Variants in SRPK1 observed in about 807,000 individuals in gnomAD.
The protein encoded by SRPK1 is SFRS protein kinase 1.
A neutral mutation model predicts 89.5 loss-of-function variants in SRPK1; 52 were observed. The observed-to-expected ratio is 0.58, with a 90% CI of 0.46 to 0.73. The LOEUF is 0.73. Among genes scored for constraint, SRPK1 ranks in the 30% least tolerant of loss-of-function variants. The pLI is 0.00. For synonymous variants in SRPK1, 255 were observed against 270.2 expected (o/e 0.94, Z 0.55); for missense variants, 603 against 780.6 (o/e 0.77, Z 2.71).
rs947545569 is a variant in SRPK1, at chr6:35,921,092, G to C, written c.-36C>G. The C allele has an allele frequency of 4.7e-6, 7 of 1,474,490 alleles. No individual in the cohort carries two copies. Among genetic ancestry groups the C allele is most frequent in the Admixed American group, 4.6e-5 (2 of 43,160 alleles). 91.3% of individuals were successfully genotyped at this position (1,474,490 alleles called of 1,614,324 possible). On this transcript the variant is annotated 5_prime_UTR_variant, in exon 1 of 16. Coordinates refer to ENST00000373825, the MANE Select transcript of SRPK1 (RefSeq NM_003137.5). ...GTAATCGCCAGGCGCCTGCGCACTC[G>C]AGTGGCGGCGACTCCCGCTCCCGCC...
At position 35,853,084 on chromosome 6, in the gene SRPK1, T is replaced by A. The variant is rs536310494; in HGVS notation, c.1620+4177A>T. On this transcript the variant is annotated intron_variant, in intron 13 of 15. Transcript: ENST00000373825. ...GCAAGACCTGGTCTCTACAAAAAAA[T>A]TTAAAAATGAGCCGAGTGGGTGGCA... Among the ~76,000 whole-genome samples the A allele has an allele frequency of 3.0e-4, 45 of 152,112 alleles. No homozygotes were observed. In the South Asian group the frequency reaches 9.1e-3, roughly 31 times the overall value.
intron 2 of SRPK1, chr6:35,904,904 CA>C: frequency 2.5e-6 from 1 of 404,622 alleles, no homozygotes. Flanking sequence ...TTTGGGAGGC[CA>C]AGGTGGTGAG....
chr6:35,887,090 C>A (rs1219262275), intron 5 of SRPK1, among the ~76,000 whole-genome samples: 1 of 152,180 alleles, frequency 6.6e-6, no homozygotes, highest in East Asian at 1.9e-4. Context: ...GATTACCAGG[C>A]TATGAGGAAC....
intron 2 of SRPK1, chr6:35,905,048 G>A: frequency 2.6e-6 from 1 of 383,238 alleles, no homozygotes; most frequent in Non-Finnish European, 5.1e-6. Flanking sequence ...TCCAGAGGCT[G>A]AGGCAGAGGG....
chr6:35,878,100 G>C (rs1176853049), intron 6 of SRPK1, among the ~76,000 whole-genome samples: 1 of 152,176 alleles, frequency 6.6e-6, no homozygotes, highest in Non-Finnish European at 1.5e-5. Context: ...AAGACAGGAA[G>C]GAGGTGAAAG....
intron 15 of SRPK1, 72 bp downstream of exon 15, chr6:35,838,265 G>A: frequency 2.0e-6 from 2 of 1,006,146 alleles, no homozygotes; most frequent in Non-Finnish European, 1.4e-6. Flanking sequence ...GTAGGACATT[G>A]GGAATATGTG....
intron 8 of SRPK1, 47 bp downstream of exon 8, chr6:35,872,516 T>C: frequency 6.7e-7 from 1 of 1,494,996 alleles, no homozygotes; most frequent in Non-Finnish European, 8.9e-7. Context: ...AAATAGAAAT[T>C]TCTTTTTAAC....
chr6:35,916,263 A>T (rs1323032665), intron 2 of SRPK1, among the ~76,000 whole-genome samples: 4 of 150,722 alleles, frequency 2.7e-5, no homozygotes, highest in African/African-American at 9.8e-5. Flanking sequence ...TTAATTAATT[A>T]AATTATGGCA....
intron 6 of SRPK1, among the ~76,000 whole-genome samples, chr6:35,885,298 C>CACACACACACACAGAGAGAGAGAG (rs1276672274): frequency 3.5e-5 from 4 of 113,112 alleles, no homozygotes; most frequent in African/African-American, 1.5e-4. Context: ...CACACACACA[C>CACACACACACACAGAGAGAGAGAG]AGAGAGAGAG....
At chr6:35,858,346 A>T (rs531579065) in intron 12 of SRPK1, among the ~76,000 whole-genome samples, 152 of 152,324 alleles carry the variant, frequency 1.0e-3, no homozygotes, top group Non-Finnish European at 1.7e-3. Flanking sequence ...CACCTAAAAA[A>T]AAAAAATTAA....
chr6:35,916,384 T>C (rs1771103313), intron 2 of SRPK1, among the ~76,000 whole-genome samples: 1 of 152,154 alleles, frequency 6.6e-6, no homozygotes, highest in African/African-American at 2.4e-5. Context: ...GGCTGCACTA[T>C]ATGGAATATA....
intron 13 of SRPK1, among the ~76,000 whole-genome samples, chr6:35,856,592 T>A (rs539988013): frequency 6.6e-6 from 1 of 152,278 alleles, no homozygotes; most frequent in East Asian, 1.9e-4. Flanking sequence ...TCCAGACAGT[T>A]ATACATAACA....
At position 35,835,164 on chromosome 6, in the gene SRPK1, G is replaced by C; in HGVS notation, c.*140C>G. The C allele has an allele frequency of 3.7e-6, 3 of 810,432 alleles. No homozygotes were observed. Among genetic ancestry groups the C allele is most frequent in the Non-Finnish European group, 5.6e-6 (3 of 537,396 alleles). 50.2% of individuals were successfully genotyped at this position (810,432 alleles called of 1,614,324 possible). A position where few individuals can be genotyped will look rare whatever the true frequency, so the allele number is the denominator to read the frequency against. ...CAGGGTCAAGTAAGCAAACCCAAAT[G>C]AACATGTTGGATTAAAAAAAAAACA... is the stretch of plus-strand genomic sequence containing the variant. On this transcript the variant is annotated 3_prime_UTR_variant, in exon 16 of 16. Coordinates refer to ENST00000373825, the MANE Select transcript of SRPK1 (RefSeq NM_003137.5).
At chr6:35,843,140 T>C (rs1286620190) in intron 13 of SRPK1, among the ~76,000 whole-genome samples, 1 of 151,524 alleles carries the variant, frequency 6.6e-6, no homozygotes, top group African/African-American at 2.4e-5. Context: ...AGCTAATTTT[T>C]TGTATTTTTA....
intron 7 of SRPK1, among the ~76,000 whole-genome samples, chr6:35,873,753 G>C (rs1770093982): frequency 6.6e-6 from 1 of 151,930 alleles, no homozygotes; most frequent in African/African-American, 2.4e-5. Flanking sequence ...GCCTCCCAAA[G>C]TGCTGGGATT....
At chr6:35,903,637 T>A (rs968051798) in intron 2 of SRPK1, among the ~76,000 whole-genome samples, 5 of 152,222 alleles carry the variant, frequency 3.3e-5, no homozygotes, top group Admixed American at 1.3e-4. Flanking sequence ...GTTATCAACA[T>A]GATTGACTAC....
intron 2 of SRPK1, among the ~76,000 whole-genome samples, chr6:35,915,207 T>C (rs1262641928): frequency 2.6e-5 from 4 of 152,040 alleles, no homozygotes; most frequent in African/African-American, 4.8e-5. Flanking sequence ...ATCGAGACCA[T>C]CTCGGCTAAC....
At chr6:35,859,543 TGCATTTCACATCCCTTGA>T (rs1769735083) in intron 12 of SRPK1, among the ~76,000 whole-genome samples, 1 of 152,214 alleles carries the variant, frequency 6.6e-6, no homozygotes, top group African/African-American at 2.4e-5. Context: ...TTCATATATG[TGCATTTCACATCCCTTGA>T]ATATTGTTTT....
At chr6:35,872,849 A>G in intron 7 of SRPK1, 121 bp from the exon 8 acceptor site, 3 of 907,516 alleles carry the variant, frequency 3.3e-6, no homozygotes, top group Non-Finnish European at 4.7e-6. Flanking sequence ...TATAGAGAAT[A>G]AAAGCACCTT....
Sources: allele counts gnomAD v4.1 joint callset (sites outside exome capture counted in the v4.1 genomes callset), GRCh38; gene constraint gnomAD v4.1.1; transcripts MANE v1.5; gene names NCBI Gene and HGNC (gene_info 2026-07-23, HGNC 2026-07-21).